HROB: variants seen among roughly 807,000 people sequenced by gnomAD.
HROB encodes the protein homologous recombination OB-fold protein.
A neutral mutation model predicts 61.0 loss-of-function variants in HROB; 44 were observed. The observed-to-expected ratio is 0.72, with a 90% CI of 0.57 to 0.93. HROB has a LOEUF of 0.93. Among genes scored for constraint, HROB ranks in the 40% least tolerant of loss-of-function variants. HROB has a pLI of 0.00. For missense variants in HROB, 716 were observed against 796.2 expected, an observed-to-expected ratio of 0.90 and a Z score of 1.21; for synonymous variants, 301 against 310.4, an observed-to-expected ratio of 0.97 and a Z score of 0.32.
Position 44,148,086 on chromosome 17 carries a change from T to G in HROB, c.283T>G (p.Cys95Gly). ...STPSADSRPS[C>G]IGAAPLRPVS... Reference sequence around the variant, plus strand: ...GCCCAGTGCTGACAGCCGTCCATCATGCATAGGAGCAGCTCCCCTAAGGCC... The same window carrying G: ...GCCCAGTGCTGACAGCCGTCCATCAGGCATAGGAGCAGCTCCCCTAAGGCC... The change falls in exon 3 of 10, where the codon TGC (cysteine) becomes GGC (glycine). Residue 95 changes from cysteine to glycine, a missense_variant. By Grantham distance (159) the Cys-to-Gly change is radical (BLOSUM62 -3). Coordinates refer to ENST00000585683, the MANE Select transcript of HROB (RefSeq NM_001171251.3). 6.2e-7 allele frequency: 1 copy of G among 1,614,202 alleles called. No homozygotes were observed. Among genetic ancestry groups the G allele is most frequent in the Non-Finnish European group, 8.5e-7 (1 of 1,180,036 alleles).
intron 1 of HROB, among the ~76,000 whole-genome samples, chr17:44,142,987 A>G (rs1236646502): frequency 6.6e-6 from 1 of 152,082 alleles, no homozygotes; most frequent in Non-Finnish European, 1.5e-5. Flanking sequence ...CCCAGGCTGA[A>G]GTGCAGTGGT....
At chr17:44,142,290 G>A (rs1428083109) in intron 1 of HROB, 145 bp downstream of exon 1, 82 of 1,103,590 alleles carry the variant, frequency 7.4e-5, no homozygotes, top group Non-Finnish European at 9.6e-5. Flanking sequence ...GACCTGGGCT[G>A]TCGTCAGGGC....
At chr17:44,153,779 G>A (rs537256829) in intron 5 of HROB, among the ~76,000 whole-genome samples, 1 of 152,146 alleles carries the variant, frequency 6.6e-6, no homozygotes, top group East Asian at 1.9e-4. Context: ...GTCAGGCGGG[G>A]TGGGTCACGC....
chr17:44,154,988 T>A, intron 7 of HROB, 50 bp downstream of exon 7: 1 of 1,579,148 alleles, frequency 6.3e-7, no homozygotes, highest in South Asian at 1.1e-5. Context: ...GAGCCCTCAG[T>A]GTCTGTCTCC....
rs747153197 is a variant in HROB, at chr17:44,155,428, G to GA, written c.1770+20dup. ...TTCCCCAAGGTAAGAGGAGCAGGAA[G>GA]AAACGGGAGACTGGTAAGGCCCTCC... is the stretch of plus-strand genomic sequence containing the variant. On this transcript the variant is annotated intron_variant, in intron 8 of 9. Coordinates refer to ENST00000585683, the MANE Select transcript of HROB (RefSeq NM_001171251.3). 2 of 1,613,086 alleles carry GA rather than the reference G, an allele frequency of 1.2e-6. No homozygotes were observed. The highest frequency in any genetic ancestry group is 2.7e-5 in the African/African-American group (2 of 74,910).
chr17:44,148,540 G>C lies in HROB; in HGVS notation c.737G>C (p.Gly246Ala). Residue 246 changes from glycine (G) to alanine (A), a missense_variant, in exon 3 of 10, where the codon GGT becomes GCT. Transcript: ENST00000585683. ...ACTCCACGACCCCCCTTGAGACCTG[G>C]TGCTGTGGGTCACCTTCCTGTTCCA... ...CRTPRPPLRP[G>A]AVGHLPVPTA... The C allele has an allele frequency of 1.2e-6, 2 of 1,614,000 alleles. No homozygotes were observed. Among genetic ancestry groups the C allele is most frequent in the Non-Finnish European group, 1.7e-6 (2 of 1,180,006 alleles).
At chr17:44,145,321 A>G (rs780358506) in intron 2 of HROB, 68 bp downstream of exon 2, 12 of 1,581,960 alleles carry the variant, frequency 7.6e-6, no homozygotes, top group Admixed American at 6.7e-5. Context: ...GGTTCAGAAC[A>G]TTTTGGATTA....
chr17:44,155,120 G>GATAGGGATGGAGGGTTGTGTGGGTGC (rs1567721292), intron 7 of HROB, among the ~76,000 whole-genome samples, 166 bp from the exon 8 acceptor site: 2 of 152,212 alleles, frequency 1.3e-5, no homozygotes, highest in East Asian at 1.9e-4. Flanking sequence ...CTTCAGGGTG[G>GATAGGGATGGAGGGTTGTGTGGGTGC]ATAGGGATGG....
chr17:44,161,062 CGTG>C (rs2054123619), intron 9 of HROB, among the ~76,000 whole-genome samples: 1 of 152,070 alleles, frequency 6.6e-6, no homozygotes, highest in Non-Finnish European at 1.5e-5. Context: ...ATTAGCCAGG[CGTG>C]GTGGTGGGCG....
At chr17:44,143,239 G>A (rs779600439) in intron 1 of HROB, among the ~76,000 whole-genome samples, 4 of 152,048 alleles carry the variant, frequency 2.6e-5, no homozygotes, top group South Asian at 2.1e-4. Context: ...TGCCCAGCCT[G>A]TGGCTGACAC....
chr17:44,142,149 A>G lies in HROB; in HGVS notation c.3+4A>G, dbSNP rs2053462505. 1 of 1,524,880 alleles carries G rather than the reference A, an allele frequency of 6.6e-7. No individual in the cohort carries two copies. The highest frequency in any genetic ancestry group is 8.8e-7 in the Non-Finnish European group (1 of 1,141,400). 94.5% of individuals were successfully genotyped at this position (1,524,880 alleles called of 1,614,324 possible). A position where few individuals can be genotyped will look rare whatever the true frequency, so the allele number is the denominator to read the frequency against. ...AGGCCCACCCGCCGTCGCTATGGTA[A>G]TGCCGCGCCCAGCTTGGGGGCTGGC... On this transcript the variant is annotated splice_donor_region_variant and intron_variant, in intron 1 of 9. Transcript: ENST00000585683.
intron 5 of HROB, among the ~76,000 whole-genome samples, chr17:44,153,217 T>A (rs1001842803): frequency 1.0e-4 from 15 of 150,188 alleles, no homozygotes; most frequent in African/African-American, 3.7e-4. Context: ...GAGGCTGAGG[T>A]GGAAGGATCA....
At chr17:44,142,623 G>C (rs1343091101) in intron 1 of HROB, among the ~76,000 whole-genome samples, 2 of 151,650 alleles carry the variant, frequency 1.3e-5, no homozygotes, top group African/African-American at 4.8e-5. Context: ...TAGCTCCTGC[G>C]GCTCTGGCAT....
chr17:44,148,779 A>G lies in HROB; in HGVS notation c.976A>G (p.Thr326Ala), dbSNP rs778977722. The change falls in exon 3 of 10, where the codon ACT becomes GCT. Residue 326 changes from threonine to alanine, a missense_variant. Transcript: ENST00000585683. The stretch of plus-strand genomic sequence containing the variant: ...TCGAACTCCCAACTCAAGCTGTTCT[A>G]CTCCCTCAAGGACTAGCTCTGGATT... ...RPRTPNSSCS[T>A]PSRTSSGLFP... 6.2e-6 allele frequency: 10 copies of G among 1,613,780 alleles called. No homozygotes were observed. The highest frequency in any genetic ancestry group is 2.7e-5 in the African/African-American group (2 of 74,778).
chr17:44,156,134 A>G (rs889881241), intron 8 of HROB, among the ~76,000 whole-genome samples: 1 of 152,124 alleles, frequency 6.6e-6, no homozygotes, highest in Non-Finnish European at 1.5e-5. Context: ...AGAGGTTTTC[A>G]TCTAAGCTCC....
intron 8 of HROB, 38 bp from the exon 9 acceptor site, chr17:44,157,795 G>A: frequency 1.3e-6 from 2 of 1,535,296 alleles, no homozygotes; most frequent in Non-Finnish European, 1.8e-6. Flanking sequence ...AGGGATTTCA[G>A]GGACACAGGC....
intron 8 of HROB, among the ~76,000 whole-genome samples, chr17:44,156,513 C>T (rs929631477): frequency 7.2e-5 from 11 of 152,178 alleles, no homozygotes; most frequent in Non-Finnish European, 1.2e-4. Flanking sequence ...CATGAGCCAC[C>T]GTGCTCGGCC....
intron 2 of HROB, among the ~76,000 whole-genome samples, chr17:44,146,293 T>C (rs1349518144): frequency 6.6e-6 from 1 of 152,178 alleles, no homozygotes; most frequent in East Asian, 1.9e-4. Context: ...CAAATGATCC[T>C]TCTGCCTCGG....
intron 1 of HROB, among the ~76,000 whole-genome samples, chr17:44,144,212 C>T (rs1414580030): frequency 2.0e-5 from 3 of 151,872 alleles, no homozygotes; most frequent in Non-Finnish European, 2.9e-5. Context: ...GCGATCTCGG[C>T]TCACTGCAAC....
Sources: gnomAD v4.1 joint callset for allele counts (sites outside exome capture counted in the v4.1 genomes callset) on GRCh38, gnomAD v4.1.1 for gene constraint, MANE v1.5 for transcripts, NCBI Gene and HGNC (gene_info 2026-07-23, HGNC 2026-07-21) for gene names.